ATP9A: variants seen among roughly 807,000 people sequenced by gnomAD.
ATP9A encodes ATPase phospholipid transporting 9A.
Under a neutral mutation model 144.1 loss-of-function variants are expected in ATP9A, and 52 were observed. That is an observed-to-expected ratio of 0.36 (90% CI 0.29 to 0.45). ATP9A has a LOEUF of 0.45. Ranked by LOEUF, ATP9A falls within the 20% of genes least tolerant of loss-of-function variation. The pLI is 1.00. For synonymous variants in ATP9A, 582 were observed against 557.4 expected (o/e 1.04, Z -0.62); for missense variants, 947 against 1,392.7 (o/e 0.68, Z 5.09).
chr20:51,701,378 T>C (rs1281147959), intron 4 of ATP9A, among the ~76,000 whole-genome samples: 1 of 152,326 alleles, frequency 6.6e-6, no homozygotes, highest in East Asian at 1.9e-4. Context: ...CCATTAAGCG[T>C]AAGGTTGCTT....
At chr20:51,717,457 C>A (rs190350002) in intron 3 of ATP9A, among the ~76,000 whole-genome samples, 113 of 152,202 alleles carry the variant, frequency 7.4e-4, no homozygotes, top group African/African-American at 2.6e-3. Context: ...AGACAAATAT[C>A]CCCCAACTTA....
In ATP9A at chr20:51,610,124, G is replaced by C. The variant is rs199527197; in HGVS notation, c.2613C>G (p.Leu871=). The C allele has an allele frequency of 8.7e-6, 14 of 1,608,948 alleles. No homozygotes were observed. The South Asian group carries it at 1.5e-4, about 18-fold the overall frequency. The change falls in exon 24 of 28, where the codon CTC becomes CTG. Residue 871 remains leucine, a synonymous_variant. Transcript: ENST00000338821. ...ACCCAATGATGAGGAATCCTTGATA[G>C]AGAGGGACGGAGGCAAAGTAAAACA... ...SSVFYFASVP[L]YQGFLIIGYS...
chr20:51,650,558 AT>A (rs1269888709), intron 14 of ATP9A, among the ~76,000 whole-genome samples: 1 of 151,288 alleles, frequency 6.6e-6, no homozygotes, highest in African/African-American at 2.4e-5. Context: ...AAAATAAAAA[AT>A]ATATATATAT....
rs142957701 is a variant in ATP9A, at chr20:51,621,462, A to G, written c.2115+612T>C. On this transcript the variant is annotated intron_variant, in intron 19 of 27. Transcript: ENST00000338821. ...CAGTGGGATTACTATATCCTGCCCC[A>G]AAGAGGACCCGGTCCCCCTACCTCC... Among the ~76,000 whole-genome samples, 147 of 152,214 alleles carry G rather than the reference A, an allele frequency of 9.7e-4. 2 individuals carry two copies. In the East Asian group the frequency reaches 0.024, roughly 24 times the overall value.
intron 1 of ATP9A, among the ~76,000 whole-genome samples, chr20:51,733,467 G>C (rs2077750456): frequency 6.6e-6 from 1 of 152,002 alleles, no homozygotes; most frequent in Non-Finnish European, 1.5e-5. Context: ...TCCACCTACT[G>C]GGTTCAAGCC....
chr20:51,644,179 C>T (rs2077331921), intron 14 of ATP9A, among the ~76,000 whole-genome samples: 1 of 151,000 alleles, frequency 6.6e-6, no homozygotes, highest in Admixed American at 6.6e-5. Context: ...ATTATCCCAT[C>T]TGTCTATGTA....
At chr20:51,745,919 G>C (rs923320198) in intron 1 of ATP9A, among the ~76,000 whole-genome samples, 1 of 152,082 alleles carries the variant, frequency 6.6e-6, no homozygotes. Context: ...CAAAGACATG[G>C]AATCAACCTA....
intron 1 of ATP9A, among the ~76,000 whole-genome samples, chr20:51,751,736 C>T (rs958406490): frequency 6.6e-6 from 1 of 152,106 alleles, no homozygotes; most frequent in Non-Finnish European, 1.5e-5. Context: ...TGCAGGCGCC[C>T]ACCACCACGC....
At chr20:51,758,267 T>C (rs1310974829) in intron 1 of ATP9A, among the ~76,000 whole-genome samples, 1 of 152,172 alleles carries the variant, frequency 6.6e-6, no homozygotes, top group Admixed American at 6.6e-5. Flanking sequence ...ATCAGAATCA[T>C]TCTAAATGTC....
intron 21 of ATP9A, among the ~76,000 whole-genome samples, chr20:51,618,218 TAAA>T (rs77903651): frequency 7.3e-6 from 1 of 137,082 alleles, no homozygotes; most frequent in African/African-American, 2.7e-5. Flanking sequence ...GACTCCGTCT[TAAA>T]AAAAAAAAAA....
intron 9 of ATP9A, among the ~76,000 whole-genome samples, chr20:51,678,211 G>A (rs954697449): frequency 2.6e-5 from 4 of 152,046 alleles, no homozygotes; most frequent in Admixed American, 2.0e-4. Context: ...CTTGGAACAC[G>A]AAGGAGCCAG....
At chr20:51,625,453 T>A in intron 17 of ATP9A, 91 bp from the exon 18 acceptor site, 1 of 1,434,230 alleles carries the variant, frequency 7.0e-7, no homozygotes, top group Non-Finnish European at 9.4e-7. Flanking sequence ...CCACACCCGA[T>A]CCCCACCACA....
At chr20:51,746,399 C>A (rs2077808320) in intron 1 of ATP9A, among the ~76,000 whole-genome samples, 1 of 152,198 alleles carries the variant, frequency 6.6e-6, no homozygotes, top group Admixed American at 6.5e-5. Flanking sequence ...GTTAAGAGGG[C>A]AGTTAGGAGT....
chr20:51,608,424 G>A, intron 25 of ATP9A, 94 bp downstream of exon 25: 1 of 851,996 alleles, frequency 1.2e-6, no homozygotes, highest in Non-Finnish European at 2.0e-6. Context: ...GGGTCTGTGT[G>A]AAATAAATTC....
chr20:51,698,608 G>A (rs1203296514), intron 4 of ATP9A, among the ~76,000 whole-genome samples: 2 of 152,178 alleles, frequency 1.3e-5, no homozygotes, highest in Non-Finnish European at 1.5e-5. Context: ...TGGAGGGGAG[G>A]AGGCAATAAA....
At chr20:51,699,171 G>A (rs1483295913) in intron 4 of ATP9A, among the ~76,000 whole-genome samples, 1 of 151,894 alleles carries the variant, frequency 6.6e-6, no homozygotes, top group Non-Finnish European at 1.5e-5. Context: ...GTGAAATCCT[G>A]TCTCTACTAA....
chr20:51,646,000 GAACA>G (rs1568801091), intron 14 of ATP9A, among the ~76,000 whole-genome samples: 1 of 152,178 alleles, frequency 6.6e-6, no homozygotes, highest in Non-Finnish European at 1.5e-5. Context: ...GTGGATGAAT[GAACA>G]GATACATTAG....
chr20:51,675,304 C>A (rs1568815501), intron 10 of ATP9A, among the ~76,000 whole-genome samples: 1 of 152,142 alleles, frequency 6.6e-6, no homozygotes. Flanking sequence ...TTAGGAGACA[C>A]AGCATTCCTT....
At chr20:51,695,792 A>G (rs1271762309) in intron 6 of ATP9A, among the ~76,000 whole-genome samples, 1 of 152,050 alleles carries the variant, frequency 6.6e-6, no homozygotes, top group African/African-American at 2.4e-5. Flanking sequence ...CCTCGTCCCA[A>G]CTCCTGAGGT....
Sources: allele counts gnomAD v4.1 joint callset (sites outside exome capture counted in the v4.1 genomes callset), GRCh38; gene constraint gnomAD v4.1.1; transcripts MANE v1.5; gene names NCBI Gene and HGNC (gene_info 2026-07-23, HGNC 2026-07-21).